The following ZNF667 variants were observed in gnomAD, a reference collection of about 807,000 sequenced individuals.
ZNF667 encodes zinc finger protein 667.
ZNF667 carries 13 observed loss-of-function variants against 31.8 expected under a neutral mutation model. That is an observed-to-expected ratio of 0.41 (90% CI 0.27 to 0.65). The LOEUF (loss-of-function observed/expected upper bound fraction) is 0.65. Ranked by LOEUF, ZNF667 falls within the 30% of genes least tolerant of loss-of-function variation. The probability of loss-of-function intolerance (pLI) is 0.32; values close to 1 mark genes in which losing one functional copy is unlikely to be tolerated. For synonymous variants in ZNF667, 228 were observed against 247.1 expected, an observed-to-expected ratio of 0.92 and a Z score of 0.73; for missense variants, 642 against 725.6, an observed-to-expected ratio of 0.88 and a Z score of 1.32.
Position 56,442,382 on chromosome 19 carries a change from A to G in ZNF667, c.613T>C (p.Cys205Arg). The change falls in exon 7 of 7, where the codon TGT becomes CGT. Residue 205 changes from cysteine to arginine, a missense_variant. Cys to Arg is a radical substitution (Grantham distance 180). Transcript: ENST00000504904. ...SGKKSHECNK[C>R]GESFNQRTTL... Reference sequence around the variant, plus strand: ...GTTCTTTGATTGAAGCTTTCCCCACATTTATTGCATTCATGGCTTTTCTTT... The same window carrying G: ...GTTCTTTGATTGAAGCTTTCCCCACGTTTATTGCATTCATGGCTTTTCTTT... 1 of 1,614,092 alleles carries G rather than the reference A, an allele frequency of 6.2e-7. No homozygotes were observed.
chr19:56,460,816 C>T lies in ZNF667; in HGVS notation c.34-1G>A. 1 of 1,585,462 alleles carries T rather than the reference C, an allele frequency of 6.3e-7. No homozygotes were observed. The highest frequency in any genetic ancestry group is 8.6e-7 in the Non-Finnish European group (1 of 1,167,794). ...CTAAGTCCCCAAATGTTATAGGTGC[C>T]TGAAATGAAAAATCAAATGTCTATT... On this transcript the variant is annotated splice_acceptor_variant, in intron 4 of 6. Transcript: ENST00000504904. LOFTEE classifies it high-confidence loss of function.
chr19:56,458,352 G>A (rs1441060892), intron 5 of ZNF667, 105 bp from the exon 6 acceptor site: 21 of 896,058 alleles, frequency 2.3e-5, no homozygotes, highest in Non-Finnish European at 3.8e-5. Context: ...CATGAAGGGA[G>A]CACAGAGGAT....
intron 6 of ZNF667, among the ~76,000 whole-genome samples, chr19:56,446,593 A>G (rs1350597395): frequency 6.6e-6 from 1 of 152,198 alleles, no homozygotes; most frequent in Non-Finnish European, 1.5e-5. Flanking sequence ...ACCATTCTGA[A>G]TTCTGAAACA....
chr19:56,461,603 AAAACTGCATGATAAT>A lies in ZNF667; in HGVS notation c.33+720_33+734del, dbSNP rs138045950. Among the ~76,000 whole-genome samples, 1,159 of 152,314 alleles carry A rather than the reference AAAACTGCATGATAAT, an allele frequency of 7.6e-3. 3 individuals are homozygous for A. The highest frequency in any genetic ancestry group is 0.013 in the Non-Finnish European group (871 of 68,016). On this transcript the variant is annotated intron_variant, in intron 4 of 6. Coordinates refer to ENST00000504904, the MANE Select transcript of ZNF667 (RefSeq NM_001321356.2). ...CATGTTGTGCCTGGACGCCAACCAC[AAAACTGCATGATAAT>A]AAACACGTGCTGTTTTGAGCTGCCA...
At chr19:56,472,840 A>T (rs2043321384) in intron 2 of ZNF667, 1 of 152,152 alleles carries the variant, frequency 6.6e-6, no homozygotes, top group Admixed American at 6.5e-5. Flanking sequence ...TCTACAGTAC[A>T]GGGGGTTGGT....
intron 3 of ZNF667, chr19:56,467,780 A>G (rs1389040761): frequency 6.6e-6 from 1 of 152,246 alleles, no homozygotes; most frequent in African/African-American, 2.4e-5. Context: ...ACAGAGAAAG[A>G]AATGTGTAGA....
intron 3 of ZNF667, 116 bp from the exon 4 acceptor site, chr19:56,462,545 A>G: frequency 1.4e-6 from 1 of 696,298 alleles, no homozygotes; most frequent in East Asian, 2.6e-5. Context: ...ACACACACAC[A>G]CAGATGTCAG....
At chr19:56,457,436 TC>T in intron 6 of ZNF667, among the ~76,000 whole-genome samples, 1 of 152,152 alleles carries the variant, frequency 6.6e-6, no homozygotes, top group East Asian at 1.9e-4. Flanking sequence ...CAAACCCTCC[TC>T]TGCTGCTCCT....
intron 6 of ZNF667, among the ~76,000 whole-genome samples, chr19:56,447,880 C>T (rs2042738089): frequency 6.6e-6 from 1 of 151,992 alleles, no homozygotes; most frequent in African/African-American, 2.4e-5. Context: ...GACTCTATCT[C>T]AAAAAACAAA....
intron 3 of ZNF667, chr19:56,468,323 G>C (rs1170259044): frequency 6.6e-6 from 1 of 152,208 alleles, no homozygotes; most frequent in African/African-American, 2.4e-5. Context: ...CACTAAGCCA[G>C]ACCAAGGCAT....
chr19:56,463,199 C>T (rs2043086999), intron 3 of ZNF667, among the ~76,000 whole-genome samples: 1 of 152,020 alleles, frequency 6.6e-6, no homozygotes. Flanking sequence ...GGAGTGACAC[C>T]ATCAGACAAC....
intron 4 of ZNF667, among the ~76,000 whole-genome samples, chr19:56,461,909 T>G (rs757830967): frequency 1.8e-4 from 27 of 152,170 alleles, no homozygotes; most frequent in Non-Finnish European, 3.2e-4. Context: ...AATATGGGTT[T>G]TACAAGGAGA....
intron 6 of ZNF667, among the ~76,000 whole-genome samples, chr19:56,457,814 C>T (rs2042965596): frequency 6.6e-6 from 1 of 152,194 alleles, no homozygotes; most frequent in Non-Finnish European, 1.5e-5. Context: ...ATTTTACCAT[C>T]TAAGGTAATG....
chr19:56,471,532 C>T lies in ZNF667; in HGVS notation c.-60+167G>A, dbSNP rs1470906288. ...TTTGGGCAGATATCCCTGAAGAGTA[C>T]AGGAGGGCTAATGCCTATTTCTATG... On this transcript the variant is annotated intron_variant, in intron 3 of 6. Coordinates refer to ENST00000504904, the MANE Select transcript of ZNF667 (RefSeq NM_001321356.2). 2.6e-5 allele frequency among the ~76,000 whole-genome samples: 4 copies of T among 152,302 alleles called. No individual in the cohort carries two copies. In the East Asian group the frequency reaches 5.8e-4, roughly 22 times the overall value.
intron 6 of ZNF667, among the ~76,000 whole-genome samples, chr19:56,453,611 A>G (rs188537382): frequency 1.3e-5 from 2 of 152,340 alleles, no homozygotes; most frequent in East Asian, 3.9e-4. Context: ...TGACGCTGAA[A>G]AGCATTTGAT....
At chr19:56,456,260 T>C (rs1490794474) in intron 6 of ZNF667, among the ~76,000 whole-genome samples, 2 of 152,238 alleles carry the variant, frequency 1.3e-5, no homozygotes, top group African/African-American at 4.8e-5. Context: ...ATTTGATAAT[T>C]CTCCTTTTTA....
chr19:56,470,943 T>G (rs1405148610), intron 3 of ZNF667, among the ~76,000 whole-genome samples: 1 of 152,178 alleles, frequency 6.6e-6, no homozygotes, highest in East Asian at 1.9e-4. Context: ...TGTTTACAAC[T>G]TCCATGGAGT....
rs147782404 is a variant in ZNF667, at chr19:56,473,076, T to C, written c.-548-889A>G. 2.0e-5 allele frequency: 3 copies of C among 152,370 alleles called. No homozygotes were observed. The East Asian group carries it at 5.8e-4, about 29-fold the overall frequency. 9.4% of individuals were successfully genotyped at this position (152,370 alleles called of 1,614,324 possible). A position where few individuals can be genotyped will look rare whatever the true frequency, so the allele number is the denominator to read the frequency against. On this transcript the variant is annotated intron_variant, in intron 2 of 6. Coordinates refer to ENST00000504904, the MANE Select transcript of ZNF667 (RefSeq NM_001321356.2). ...TTTAATCCAGCAACCTTATTTCCTGTACATGTCTTCAGACATCTTTGCACA... is the reference window on the plus strand; with the variant it reads ...TTTAATCCAGCAACCTTATTTCCTGCACATGTCTTCAGACATCTTTGCACA...
rs186437869 is a variant in ZNF667 at position 56,469,139 on chromosome 19, T to C, written c.-60+2560A>G. Among the ~76,000 whole-genome samples the C allele has an allele frequency of 4.2e-3, 641 of 152,074 alleles. 4 individuals carry two copies. The highest frequency in any genetic ancestry group is 0.015 in the African/African-American group (615 of 41,492). ...ACAGGGCTAGGGTGAGATGAAGAGG[T>C]CGGCTGGTGATCGCTGAAGCCGGCC... On this transcript the variant is annotated intron_variant, in intron 3 of 6. Transcript: ENST00000504904.
Sources: allele counts gnomAD v4.1 joint callset (sites outside exome capture counted in the v4.1 genomes callset), GRCh38; gene constraint gnomAD v4.1.1; transcripts MANE v1.5; gene names NCBI Gene and HGNC (gene_info 2026-07-23, HGNC 2026-07-21).